Variants in GDAP1 observed in about 807,000 individuals in gnomAD.
The protein encoded by GDAP1 is ganglioside induced differentiation associated protein 1.
Under a neutral mutation model 40.1 loss-of-function variants are expected in GDAP1, and 34 were observed. The observed-to-expected ratio is 0.85, with a 90% CI of 0.64 to 1.13. GDAP1 has a LOEUF of 1.13. Among genes scored for constraint, GDAP1 ranks in the 50% most tolerant of loss-of-function variants. The pLI is 0.00. For synonymous variants in GDAP1, 170 were observed against 157.4 expected, an observed-to-expected ratio of 1.08 and a Z score of -0.60; for missense variants, 374 against 433.7, an observed-to-expected ratio of 0.86 and a Z score of 1.22.
chr8:74,408,422 G>A (rs1805668179), intron 2 of GDAP1, among the ~76,000 whole-genome samples: 2 of 150,014 alleles, frequency 1.3e-5, no homozygotes, highest in South Asian at 4.1e-4. Context: ...TGGGGCCTTT[G>A]GAAGGTGATT....
rs1278732601 is a variant in GDAP1, at chr8:74,415,883, AGGGATTTCAACCCTACTT to A, written c.165+64564_165+64581del. On this transcript the variant is annotated intron_variant, in intron 2 of 2. Coordinates refer to the GDAP1 transcript ENST00000523640. ...ACTGTGAGAGAGGTTCTGGCCAAGT[AGGGATTTCAACCCTACTT>A]GAGATTCTCAATATAATCTCTAGTG... 2.0e-5 allele frequency among the ~76,000 whole-genome samples: 3 copies of A among 149,674 alleles called. 1 individual carries two copies. Among genetic ancestry groups the A allele is most frequent in the African/African-American group, 7.7e-5 (3 of 39,056 alleles).
At chr8:74,352,478 C>G (rs1319644055) in intron 2 of GDAP1, among the ~76,000 whole-genome samples, 1 of 151,704 alleles carries the variant, frequency 6.6e-6, no homozygotes, top group East Asian at 1.9e-4. Context: ...ATTACTAGGA[C>G]AAAAAAAAGT....
In GDAP1 at chr8:74,402,443, C is replaced by T. The variant is rs1472670823; in HGVS notation, c.165+51122C>T. Among the ~76,000 whole-genome samples the T allele has an allele frequency of 2.0e-5, 3 of 150,368 alleles. 1 individual carries two copies. Among genetic ancestry groups the T allele is most frequent in the African/African-American group, 7.6e-5 (3 of 39,656 alleles). On this transcript the variant is annotated intron_variant, in intron 2 of 2. Coordinates refer to the GDAP1 transcript ENST00000523640. Reference sequence around the variant, plus strand: ...TTAGGGTGTGAGTGACCCGATTTTCCAGGTGCCGTCTGTCACCCCTTTCTT... The same window carrying T: ...TTAGGGTGTGAGTGACCCGATTTTCTAGGTGCCGTCTGTCACCCCTTTCTT...
chr8:74,412,385 A>G (rs1805726040), intron 2 of GDAP1, among the ~76,000 whole-genome samples: 2 of 150,200 alleles, frequency 1.3e-5, no homozygotes, highest in Non-Finnish European at 1.5e-5. Flanking sequence ...GAGATAGACA[A>G]TATTTGAAAA....
intron 2 of GDAP1, among the ~76,000 whole-genome samples, chr8:74,372,933 TA>T (rs1809780115): frequency 6.6e-6 from 1 of 152,198 alleles, no homozygotes; most frequent in Non-Finnish European, 1.5e-5. Context: ...CATCTTGAAT[TA>T]ATTTTTGTAT....
chr8:74,448,639 G>A (rs1435309024), intron 2 of GDAP1, among the ~76,000 whole-genome samples: 2 of 152,036 alleles, frequency 1.3e-5, no homozygotes, highest in African/African-American at 2.4e-5. Flanking sequence ...GATGTAAAAT[G>A]TTATCTAATT....
intron 2 of GDAP1, among the ~76,000 whole-genome samples, chr8:74,401,503 C>T (rs1810337964): frequency 6.7e-6 from 1 of 149,670 alleles, no homozygotes; most frequent in Non-Finnish European, 1.5e-5. Context: ...TTTGAATTTC[C>T]TCCTGTAGCT....
At position 74,389,179 on chromosome 8, in the gene GDAP1, T is replaced by C. The variant is rs574207174; in HGVS notation, c.165+37858T>C. Among the ~76,000 whole-genome samples the C allele has an allele frequency of 2.0e-5, 3 of 152,292 alleles. No homozygotes were observed. In the South Asian group the frequency reaches 6.2e-4, roughly 32 times the overall value. On this transcript the variant is annotated intron_variant, in intron 2 of 2. Coordinates refer to the GDAP1 transcript ENST00000523640. Reference sequence around the variant, plus strand: ...AATTGAGGCATTTAGCCCATTTACATTTAAGGATAATATTGTTATGTGTGA... The same window carrying C: ...AATTGAGGCATTTAGCCCATTTACACTTAAGGATAATATTGTTATGTGTGA...
chr8:74,403,030 C>G (rs1805580959), intron 2 of GDAP1, among the ~76,000 whole-genome samples: 1 of 149,848 alleles, frequency 6.7e-6, no homozygotes, highest in South Asian at 2.1e-4. Context: ...AGAAATAGTT[C>G]TATAATATAA....
At chr8:74,463,741 G>C (rs1405871816) in intron 2 of GDAP1, among the ~76,000 whole-genome samples, 1 of 152,090 alleles carries the variant, frequency 6.6e-6, no homozygotes, top group Admixed American at 6.5e-5. Flanking sequence ...GTAGAAATTG[G>C]AATATCAACC....
chr8:74,404,759 G>A (rs959336019), intron 2 of GDAP1, among the ~76,000 whole-genome samples: 2 of 149,750 alleles, frequency 1.3e-5, no homozygotes, highest in East Asian at 1.9e-4. Context: ...CTTCCCATCT[G>A]CTTCTCTCAC....
intron 2 of GDAP1, among the ~76,000 whole-genome samples, chr8:74,359,568 T>C (rs754690029): frequency 6.6e-6 from 1 of 152,226 alleles, no homozygotes; most frequent in Non-Finnish European, 1.5e-5. Context: ...GTAGGGTCAC[T>C]CTTGATGTTG....
downstream of GDAP1, among the ~76,000 whole-genome samples, chr8:74,370,881 A>T (rs983030074): frequency 1.3e-5 from 2 of 152,246 alleles, no homozygotes; most frequent in African/African-American, 4.8e-5. Flanking sequence ...CAAGAGACAA[A>T]GAGGGACATT....
intron 2 of GDAP1, among the ~76,000 whole-genome samples, chr8:74,472,349 T>C (rs62523909): frequency 0.022 from 3,308 of 152,346 alleles, 55 homozygotes; most frequent in Middle Eastern, 0.044. Flanking sequence ...GATGGACATT[T>C]AGGTTGATTC....
chr8:74,368,379 A>G (rs995296511), downstream of GDAP1, among the ~76,000 whole-genome samples: 1 of 152,220 alleles, frequency 6.6e-6, no homozygotes, highest in African/African-American at 2.4e-5. Flanking sequence ...TAAAAATATA[A>G]TGAAGACAGG....
chr8:74,471,868 G>A lies in GDAP1; in HGVS notation c.166-16810G>A, dbSNP rs1315574814. Among the ~76,000 whole-genome samples, 3 of 152,112 alleles carry A rather than the reference G, an allele frequency of 2.0e-5. No homozygotes were observed. In the South Asian group the frequency reaches 6.2e-4, roughly 31 times the overall value. ...ATTGTTTGTTCCTTAATATTGCTGA[G>A]TAGTACACAGTTATATAGCTATACC... On this transcript the variant is annotated intron_variant, in intron 2 of 2. Coordinates refer to the GDAP1 transcript ENST00000523640.
chr8:74,447,898 G>A (rs757636992), intron 2 of GDAP1, among the ~76,000 whole-genome samples: 3 of 152,086 alleles, frequency 2.0e-5, no homozygotes, highest in Admixed American at 2.0e-4. Context: ...TTAGACTTGG[G>A]TCCCATCCCC....
At chr8:74,382,210 T>C (rs533226329) in intron 2 of GDAP1, among the ~76,000 whole-genome samples, 1 of 152,244 alleles carries the variant, frequency 6.6e-6, no homozygotes, top group South Asian at 2.1e-4. Context: ...TGAGTTCTTT[T>C]CTTGTGCTCA....
intron 2 of GDAP1, among the ~76,000 whole-genome samples, chr8:74,476,654 G>A: frequency 6.6e-6 from 1 of 152,174 alleles, no homozygotes; most frequent in East Asian, 1.9e-4. Context: ...GAGGTCTACT[G>A]TTAGCCTGAT....
Sources: allele counts gnomAD v4.1 joint callset (sites outside exome capture counted in the v4.1 genomes callset), GRCh38; gene constraint gnomAD v4.1.1; transcripts MANE v1.5; gene names NCBI Gene and HGNC (gene_info 2026-07-23, HGNC 2026-07-21).